The following AUTS2 variants were observed in gnomAD, a reference collection of about 807,000 sequenced individuals.
The protein encoded by AUTS2 is autism susceptibility gene 2 protein.
A neutral mutation model predicts 112.4 loss-of-function variants in AUTS2; 17 were observed. The ratio of observed to expected loss-of-function variants is 0.15; its 90% CI spans 0.10 to 0.23. The LOEUF (loss-of-function observed/expected upper bound fraction) is 0.23, where lower values mean the gene tolerates loss of function less well. Among genes scored for constraint, AUTS2 ranks in the 10% least tolerant of loss-of-function variants. AUTS2 has a pLI of 1.00. For missense variants in AUTS2, 1,510 were observed against 1,701.6 expected, an observed-to-expected ratio of 0.89 and a Z score of 1.98; for synonymous variants, 751 against 702.7, an observed-to-expected ratio of 1.07 and a Z score of -1.09.
chr7:69,811,794 C>A (rs1473780834), intron 1 of AUTS2, among the ~76,000 whole-genome samples: 1 of 152,206 alleles, frequency 6.6e-6, no homozygotes, highest in Admixed American at 6.5e-5. Context: ...GCTCTTATCA[C>A]AGTCTGCCTT....
intron 2 of AUTS2, among the ~76,000 whole-genome samples, chr7:70,029,839 A>G (rs1438478243): frequency 1.3e-5 from 2 of 152,188 alleles, no homozygotes; most frequent in Non-Finnish European, 2.9e-5. Flanking sequence ...AATATGAAAA[A>G]TATGTAAATG....
chr7:70,519,479 C>G (rs1799557878), intron 5 of AUTS2, among the ~76,000 whole-genome samples: 3 of 152,120 alleles, frequency 2.0e-5, no homozygotes, highest in African/African-American at 7.2e-5. Context: ...CATTCTGTCA[C>G]AAAATGAATA....
In AUTS2 at chr7:69,915,596, T is replaced by G. The variant is rs1250343603; in HGVS notation, c.522+16098T>G. The stretch of plus-strand genomic sequence containing the variant: ...TGGAACTCTTAGTACAGGAAAGTCT[T>G]ATGTTTCTGTCTAGAGGTGGAACTG... On this transcript the variant is annotated intron_variant, in intron 2 of 18. Coordinates refer to ENST00000342771, the MANE Select transcript of AUTS2 (RefSeq NM_015570.4). Among the ~76,000 whole-genome samples, 4 of 152,228 alleles carry G rather than the reference T, an allele frequency of 2.6e-5. No homozygotes were observed. In the East Asian group the frequency reaches 7.7e-4, roughly 29 times the overall value.
intron 2 of AUTS2, among the ~76,000 whole-genome samples, chr7:70,081,102 G>C (rs756303384): frequency 2.0e-5 from 3 of 152,160 alleles, no homozygotes; most frequent in Non-Finnish European, 4.4e-5. Flanking sequence ...GAGGAGTACA[G>C]AGTGGTGGTA....
chr7:70,545,440 A>G (rs972128410), intron 5 of AUTS2, among the ~76,000 whole-genome samples: 1 of 152,328 alleles, frequency 6.6e-6, no homozygotes, highest in South Asian at 2.1e-4. Context: ...TCACCCATAT[A>G]AAGTGAATAC....
intron 1 of AUTS2, among the ~76,000 whole-genome samples, chr7:69,750,643 G>A (rs1156265634): frequency 6.6e-6 from 1 of 151,910 alleles, no homozygotes; most frequent in Non-Finnish European, 1.5e-5. Flanking sequence ...CCACAGGCAT[G>A]AGCCACCATA....
intron 5 of AUTS2, among the ~76,000 whole-genome samples, chr7:70,483,941 GT>G: frequency 6.6e-6 from 1 of 152,046 alleles, no homozygotes; most frequent in African/African-American, 2.4e-5. Context: ...TTTTTATTTA[GT>G]GGTCTGCCCT....
intron 5 of AUTS2, among the ~76,000 whole-genome samples, chr7:70,568,798 G>A (rs1172832079): frequency 6.6e-6 from 1 of 152,260 alleles, no homozygotes; most frequent in Non-Finnish European, 1.5e-5. Context: ...TTGAAACACT[G>A]TCGCCACCAG....
At chr7:70,016,616 T>G (rs1230909004) in intron 2 of AUTS2, among the ~76,000 whole-genome samples, 1 of 152,086 alleles carries the variant, frequency 6.6e-6, no homozygotes, top group Non-Finnish European at 1.5e-5. Context: ...GCTCATACAT[T>G]GTGTAGTCCA....
At chr7:70,168,506 G>A (rs6944701) in intron 4 of AUTS2, among the ~76,000 whole-genome samples, 12,194 of 152,146 alleles carry the variant, frequency 0.08, 628 homozygotes, top group African/African-American at 0.13. Context: ...AGTAGAGACA[G>A]GGTTTCACCA....
intron 6 of AUTS2, among the ~76,000 whole-genome samples, chr7:70,700,178 C>T (rs7779822): frequency 0.24 from 36,641 of 151,984 alleles, 5,547 homozygotes; most frequent in Non-Finnish European, 0.32. Context: ...TCCAATCAAA[C>T]GTTTCCCACA....
intron 4 of AUTS2, among the ~76,000 whole-genome samples, chr7:70,252,843 A>G (rs561469965): frequency 4.6e-5 from 7 of 152,124 alleles, no homozygotes; most frequent in African/African-American, 1.7e-4. Flanking sequence ...TAAAGAGACT[A>G]TCTTTTCTCC....
intron 4 of AUTS2, among the ~76,000 whole-genome samples, chr7:70,155,046 C>T (rs1377124057): frequency 6.6e-6 from 1 of 152,154 alleles, no homozygotes; most frequent in African/African-American, 2.4e-5. Flanking sequence ...TTTTGTTCTT[C>T]CCAGGTGGAT....
At chr7:70,065,904 T>A (rs1191689906) in intron 2 of AUTS2, among the ~76,000 whole-genome samples, 1 of 152,030 alleles carries the variant, frequency 6.6e-6, no homozygotes, top group Admixed American at 6.6e-5. Flanking sequence ...GAGGGAGCGT[T>A]GCTTTGTTGT....
Position 70,583,159 on chromosome 7 carries a change from C to T in AUTS2, c.691-115410C>T, listed in dbSNP as rs183952834. 7.2e-5 allele frequency among the ~76,000 whole-genome samples: 11 copies of T among 152,332 alleles called. No homozygotes were observed. In the East Asian group the frequency reaches 2.1e-3, roughly 29 times the overall value. On this transcript the variant is annotated intron_variant, in intron 5 of 18. Coordinates refer to ENST00000342771, the MANE Select transcript of AUTS2 (RefSeq NM_015570.4). ...TAGCCTAGTCTCCAGAAGTGTTTTA[C>T]AGGAAGCTTAGGCGGAGGGAAGCAC...
At chr7:69,898,907 A>C (rs902280867) in intron 1 of AUTS2, among the ~76,000 whole-genome samples, 1 of 152,168 alleles carries the variant, frequency 6.6e-6, no homozygotes, top group African/African-American at 2.4e-5. Context: ...TCATTTTCTG[A>C]AACATAATTG....
chr7:70,163,662 C>G (rs1251141982), intron 4 of AUTS2, among the ~76,000 whole-genome samples: 1 of 152,160 alleles, frequency 6.6e-6, no homozygotes, highest in Non-Finnish European at 1.5e-5. Context: ...CACTAATGCA[C>G]TGATCCTCTA....
At chr7:69,917,198 T>C (rs1473331985) in intron 2 of AUTS2, among the ~76,000 whole-genome samples, 2 of 152,054 alleles carry the variant, frequency 1.3e-5, no homozygotes, top group East Asian at 3.9e-4. Context: ...GGTTTTTTTT[T>C]CTTTCTTTCT....
At chr7:69,787,912 C>T (rs916340605) in intron 1 of AUTS2, among the ~76,000 whole-genome samples, 17 of 152,176 alleles carry the variant, frequency 1.1e-4, no homozygotes, top group Non-Finnish European at 2.1e-4. Flanking sequence ...CCTACTTCCC[C>T]AGCCTCCTAG....
Sources: allele counts gnomAD v4.1 joint callset (sites outside exome capture counted in the v4.1 genomes callset), GRCh38; gene constraint gnomAD v4.1.1; transcripts MANE v1.5; gene names NCBI Gene and HGNC (gene_info 2026-07-23, HGNC 2026-07-21).